PCDHB13: variants seen among roughly 807,000 people sequenced by gnomAD.
PCDHB13 encodes protocadherin beta 13.
For synonymous variants in PCDHB13, 515 were observed against 450.7 expected, an observed-to-expected ratio of 1.14 and a Z score of -1.81; for missense variants, 1,065 against 1,016.7, an observed-to-expected ratio of 1.05 and a Z score of -0.65.
chr5:141,216,839 G>T lies in PCDHB13; in HGVS notation c.*319G>T. On this transcript the variant is annotated 3_prime_UTR_variant, in exon 1 of 1. Transcript: ENST00000341948. ...ATTATGCTTATGGTAAAATTAAATA[G>T]AGCAATTTGGAAGTGATTCCAATTT... 2.7e-6 allele frequency: 1 copy of T among 367,146 alleles called. No individual in the cohort carries two copies. Among genetic ancestry groups the T allele is most frequent in the Non-Finnish European group, 5.2e-6 (1 of 191,580 alleles). 22.7% of individuals were successfully genotyped at this position (367,146 alleles called of 1,614,324 possible). A position where few individuals can be genotyped will look rare whatever the true frequency, so the allele number is the denominator to read the frequency against.
At position 141,216,190 on chromosome 5, in the gene PCDHB13, C is replaced by G. The variant is rs1554288129; in HGVS notation, c.2067C>G (p.Tyr689Ter). 4 of 1,612,466 alleles carry G rather than the reference C, an allele frequency of 2.5e-6. No individual in the cohort carries two copies. The African/African-American group carries it at 5.3e-5, about 22-fold the overall frequency. Residue 689 changes from tyrosine (Y) to a stop codon, truncating the protein, a stop_gained, in exon 1 of 1, where the codon TAC becomes TAG. Coordinates refer to ENST00000341948, the MANE Select transcript of PCDHB13 (RefSeq NM_018933.4). LOFTEE classifies it low-confidence loss of function (END_TRUNC). ...CCCAGGCCGACTTGCTCACCGTCTACCTGGTGGTGGCGTTGGCCTCGGTGT... is the reference window on the plus strand; with the variant it reads ...CCCAGGCCGACTTGCTCACCGTCTAGCTGGTGGTGGCGTTGGCCTCGGTGT... ...TQAQADLLTV[Y>*]LVVALASVSS...
At position 141,214,723 on chromosome 5, in the gene PCDHB13, G is replaced by A. The variant is rs1554287694; in HGVS notation, c.600G>A (p.Ala200=). The A allele has an allele frequency of 1.9e-6, 3 of 1,613,990 alleles. No individual in the cohort carries two copies. Among genetic ancestry groups the A allele is most frequent in the Admixed American group, 1.7e-5 (1 of 60,002 alleles). ...RKYPELVLDK[A]LDREEEAELR... ...ACCCAGAGCTGGTGCTGGACAAAGC[G>A]CTGGACCGAGAGGAAGAAGCTGAGC... The change falls in exon 1 of 1, where the codon GCG becomes GCA. Residue 200 remains alanine (A), a synonymous_variant. Transcript: ENST00000341948.
chr5:141,216,052 G>T lies in PCDHB13; in HGVS notation c.1929G>T (p.Leu643=), dbSNP rs577104575. 1,007 of 1,606,508 alleles carry T rather than the reference G, an allele frequency of 6.3e-4. 10 individuals carry two copies. Among genetic ancestry groups the T allele is most frequent in the Middle Eastern group, 2.2e-4 (1 of 4,446 alleles). The change falls in exon 1 of 1, where the codon CTG becomes CTT. Residue 643 remains leucine (L), a synonymous_variant. Transcript: ENST00000341948. ...RDAAKHRLVV[L]VKDNGEPPRS... Reference sequence around the variant, plus strand: ...CGGCCAAGCACAGGCTGGTGGTGCTGGTCAAGGACAATGGCGAGCCTCCGC... The same window carrying T: ...CGGCCAAGCACAGGCTGGTGGTGCTTGTCAAGGACAATGGCGAGCCTCCGC...
In PCDHB13 at chr5:141,214,777, T is replaced by G. The variant is rs782405811; in HGVS notation, c.654T>G (p.Gly218=). The G allele has an allele frequency of 1.2e-6, 2 of 1,614,162 alleles. No homozygotes were observed. Among genetic ancestry groups the G allele is most frequent in the Admixed American group, 3.3e-5 (2 of 60,022 alleles). The change falls in exon 1 of 1, where the codon GGT becomes GGG. Residue 218 remains glycine, a synonymous_variant. Coordinates refer to ENST00000341948, the MANE Select transcript of PCDHB13 (RefSeq NM_018933.4). ...GGTTAACACTCACAGCACTGGATGGTGGCTCTCCGCCCAGATCTGGCACTG... is the reference window on the plus strand; with the variant it reads ...GGTTAACACTCACAGCACTGGATGGGGGCTCTCCGCCCAGATCTGGCACTG... ...ELRLTLTALD[G]GSPPRSGTAQ...
chr5:141,215,470 C>T lies in PCDHB13; in HGVS notation c.1347C>T (p.Pro449=), dbSNP rs782142681. 4.3e-6 allele frequency: 7 copies of T among 1,614,182 alleles called. No individual in the cohort carries two copies. Among genetic ancestry groups the T allele is most frequent in the Middle Eastern group, 1.7e-4 (1 of 6,060 alleles). ...VLIADVNDNA[P]AFTQTSYTLF... is the part of the protein sequence containing the mutation. ...TCGCCGATGTCAATGACAACGCTCC[C>T]GCCTTCACCCAAACCTCCTACACCC... Residue 449 remains proline (P), a synonymous_variant, in exon 1 of 1, where the codon CCC becomes CCT. Transcript: ENST00000341948.
At position 141,216,267 on chromosome 5, in the gene PCDHB13, G is replaced by T. The variant is rs1554288158; in HGVS notation, c.2144G>T (p.Arg715Met). ...CTGTTCGTGGCGGTGCGGCTGTGTA[G>T]GAGGAGCAGGGCGGCCTCGGTGGGT... ...VLLFVAVRLC[R>M]RSRAASVGRC... The change falls in exon 1 of 1, where the codon AGG becomes ATG. Residue 715 changes from arginine to methionine, a missense_variant. Physicochemically the swap from Arg to Met is moderately conservative, Grantham distance 91. Coordinates refer to ENST00000341948, the MANE Select transcript of PCDHB13 (RefSeq NM_018933.4). 3.1e-6 allele frequency: 5 copies of T among 1,613,788 alleles called. No individual in the cohort carries two copies. The highest frequency in any genetic ancestry group is 4.2e-6 in the Non-Finnish European group (5 of 1,179,984).
chr5:141,216,406 C>T lies in PCDHB13; in HGVS notation c.2283C>T (p.Thr761=), dbSNP rs782166496. 5 of 1,614,016 alleles carry T rather than the reference C, an allele frequency of 3.1e-6. No individual in the cohort carries two copies. The Admixed American group carries it at 5.0e-5, about 16-fold the overall frequency. The change falls in exon 1 of 1, where the codon ACC becomes ACT. Residue 761 remains threonine (T), a synonymous_variant. Coordinates refer to ENST00000341948, the MANE Select transcript of PCDHB13 (RefSeq NM_018933.4). ...TGTGTCTGGCAGGAGGCTCAGGGACCAATGAGTTCAAGTTCCTGAAGCCGA... is the reference window on the plus strand; with the variant it reads ...TGTGTCTGGCAGGAGGCTCAGGGACTAATGAGTTCAAGTTCCTGAAGCCGA... ...YEVCLAGGSG[T]NEFKFLKPII... is the part of the protein sequence containing the mutation.
Position 141,213,950 on chromosome 5 carries a change from A to C in PCDHB13, c.-174A>C. The C allele has an allele frequency of 1.6e-6, 1 of 607,252 alleles. No homozygotes were observed. Among genetic ancestry groups the C allele is most frequent in the Non-Finnish European group, 3.0e-6 (1 of 331,786 alleles). 37.6% of individuals were successfully genotyped at this position (607,252 alleles called of 1,614,324 possible). A position where few individuals can be genotyped will look rare whatever the true frequency, so the allele number is the denominator to read the frequency against. On this transcript the variant is annotated 5_prime_UTR_variant, in exon 1 of 1. Transcript: ENST00000341948. ...CCATTAACCGGCAAAAAGCAGCAGA[A>C]CCTGGAAGTCCACGGGGAGCTTGGA...
rs1554287910 is a variant in PCDHB13, at chr5:141,215,448, C to T, written c.1325C>T (p.Ala442Val). ...CAGCTCAATATGACCGTGCTGATCG[C>T]CGATGTCAATGACAACGCTCCCGCC... ...ITQLNMTVLI[A>V]DVNDNAPAFT... is the part of the protein sequence containing the mutation. Residue 442 changes from alanine to valine, a missense_variant, in exon 1 of 1, where the codon GCC (alanine) becomes GTC (valine). By Grantham distance (64) the Ala-to-Val change is moderately conservative. Transcript: ENST00000341948. The T allele has an allele frequency of 1.2e-6, 2 of 1,614,158 alleles. No individual in the cohort carries two copies. The highest frequency in any genetic ancestry group is 1.7e-6 in the Non-Finnish European group (2 of 1,180,026).
At position 141,215,990 on chromosome 5, in the gene PCDHB13, G is replaced by C. The variant is rs782239673; in HGVS notation, c.1867G>C (p.Glu623Gln). 2 of 1,607,032 alleles carry C rather than the reference G, an allele frequency of 1.2e-6. No individual in the cohort carries two copies. The highest frequency in any genetic ancestry group is 1.7e-6 in the Non-Finnish European group (2 of 1,179,546). The change falls in exon 1 of 1, where the codon GAG becomes CAG. Residue 623 changes from glutamate to glutamine, a missense_variant. Coordinates refer to ENST00000341948, the MANE Select transcript of PCDHB13 (RefSeq NM_018933.4). ...GTTCGGCGTGTGGGCGCACAATGGC[G>C]AGGTGCGCACCGCCAGGCTGCTGAG... Reference protein sequence around the residue: ...GLFGVWAHNGEVRTARLLSER... With the variant: ...GLFGVWAHNGQVRTARLLSER...
rs1397702641 is a variant in PCDHB13 at position 141,217,367 on chromosome 5, T to C, written c.*847T>C. 5 of 167,068 alleles carry C rather than the reference T, an allele frequency of 3.0e-5. No individual in the cohort carries two copies. Among genetic ancestry groups the C allele is most frequent in the African/African-American group, 1.2e-4 (5 of 41,408 alleles). 10.3% of individuals were successfully genotyped at this position (167,068 alleles called of 1,614,324 possible). A position where few individuals can be genotyped will look rare whatever the true frequency, so the allele number is the denominator to read the frequency against. On this transcript the variant is annotated 3_prime_UTR_variant, in exon 1 of 1. Coordinates refer to ENST00000341948, the MANE Select transcript of PCDHB13 (RefSeq NM_018933.4). The stretch of plus-strand genomic sequence containing the variant: ...ACTGCAACCAATAGTTAAGATTATA[T>C]TTTACATATTTTGAAACACACAAGC...
rs903534943 is a variant in PCDHB13, at chr5:141,216,760, A to C, written c.*240A>C. On this transcript the variant is annotated 3_prime_UTR_variant, in exon 1 of 1. Coordinates refer to ENST00000341948, the MANE Select transcript of PCDHB13 (RefSeq NM_018933.4). ...TAATTAATTTGCCTCCCTAAAGAGC[A>C]ATACCAAATCACATTTTTTTCATGC... 1.7e-6 allele frequency: 1 copy of C among 581,752 alleles called. No individual in the cohort carries two copies. Among genetic ancestry groups the C allele is most frequent in the Non-Finnish European group, 3.2e-6 (1 of 317,054 alleles). The allele number at this position is 581,752 out of a possible 1,614,324, so 36.0% of individuals were successfully genotyped here.
chr5:141,215,441 C>G lies in PCDHB13; in HGVS notation c.1318C>G (p.Leu440Val). 6.2e-7 allele frequency: 1 copy of G among 1,614,170 alleles called. No individual in the cohort carries two copies. Among genetic ancestry groups the G allele is most frequent in the Non-Finnish European group, 8.5e-7 (1 of 1,180,038 alleles). ...MLITQLNMTV[L>V]IADVNDNAPA... ...GATAACACAGCTCAATATGACCGTGCTGATCGCCGATGTCAATGACAACGC... is the reference window on the plus strand; with the variant it reads ...GATAACACAGCTCAATATGACCGTGGTGATCGCCGATGTCAATGACAACGC... Residue 440 changes from leucine (L) to valine (V), a missense_variant, in exon 1 of 1, where the codon CTG (leucine) becomes GTG (valine). Leu to Val is a conservative substitution (Grantham distance 32). Transcript: ENST00000341948.
rs1309536905 is a variant in PCDHB13, at chr5:141,217,133, CCAAT to C, written c.*616_*619del. ...TTGTGCAGGCACATTAATATTGTGA[CCAAT>C]CACAGAATCTGGGAATATGAAGCTA... is the stretch of plus-strand genomic sequence containing the variant. On this transcript the variant is annotated 3_prime_UTR_variant, in exon 1 of 1. Coordinates refer to ENST00000341948, the MANE Select transcript of PCDHB13 (RefSeq NM_018933.4). 9.0e-5 allele frequency: 15 copies of C among 167,440 alleles called. No homozygotes were observed. The highest frequency in any genetic ancestry group is 1.5e-5 in the Non-Finnish European group (1 of 68,348). 10.4% of individuals were successfully genotyped at this position (167,440 alleles called of 1,614,324 possible). A position where few individuals can be genotyped will look rare whatever the true frequency, so the allele number is the denominator to read the frequency against.
rs782546268 is a variant in PCDHB13 at position 141,215,732 on chromosome 5, G to C, written c.1609G>C (p.Gly537Arg). The C allele has an allele frequency of 1.2e-6, 2 of 1,612,150 alleles. No individual in the cohort carries two copies. Among genetic ancestry groups the C allele is most frequent in the Admixed American group, 1.7e-5 (1 of 60,014 alleles). ...GTTCCGCGTGGGCGCTTCAGACCAC[G>C]GCTCCCCGGCGCTGAGCAGCGAGGC... ...FQFRVGASDH[G>R]SPALSSEALV... The change falls in exon 1 of 1, where the codon GGC (glycine) becomes CGC (arginine). Residue 537 changes from glycine to arginine, a missense_variant. Transcript: ENST00000341948.
Position 141,215,700 on chromosome 5 carries a change from G to T in PCDHB13, c.1577G>T (p.Gly526Val), listed in dbSNP as rs1754583345. Residue 526 changes from glycine to valine, a missense_variant, in exon 1 of 1, where the codon GGG (glycine) becomes GTG (valine). Transcript: ENST00000341948. ...LRSLDYEALQ[G>V]FQFRVGASDH... is the part of the protein sequence containing the mutation. ...TCTCTGGACTACGAGGCCCTGCAGG[G>T]GTTCCAGTTCCGCGTGGGCGCTTCA... The T allele has an allele frequency of 6.2e-7, 1 of 1,612,762 alleles. No homozygotes were observed. Among genetic ancestry groups the T allele is most frequent in the Admixed American group, 1.7e-5 (1 of 60,008 alleles).
In PCDHB13 at chr5:141,216,210, C is replaced by G. The variant is rs781786880; in HGVS notation, c.2087C>G (p.Ser696Trp). ...GTCTACCTGGTGGTGGCGTTGGCCT[C>G]GGTGTCTTCGCTCTTCCTCTTTTCG... ...LTVYLVVALA[S>W]VSSLFLFSVL... The change falls in exon 1 of 1, where the codon TCG (serine) becomes TGG (tryptophan). Residue 696 changes from serine (S) to tryptophan (W), a missense_variant. Coordinates refer to ENST00000341948, the MANE Select transcript of PCDHB13 (RefSeq NM_018933.4). The G allele has an allele frequency of 6.2e-6, 10 of 1,612,546 alleles. No individual in the cohort carries two copies. The highest frequency in any genetic ancestry group is 8.5e-6 in the Non-Finnish European group (10 of 1,179,876).
rs1754535758 is a variant in PCDHB13, at chr5:141,214,560, G to A, written c.437G>A (p.Ser146Asn). The A allele has an allele frequency of 6.2e-7, 1 of 1,614,160 alleles. No individual in the cohort carries two copies. Among genetic ancestry groups the A allele is most frequent in the Non-Finnish European group, 8.5e-7 (1 of 1,180,042 alleles). Residue 146 changes from serine (S) to asparagine (N), a missense_variant, in exon 1 of 1, where the codon AGC becomes AAC. Ser to Asn is a conservative substitution (Grantham distance 46). Transcript: ENST00000341948. ...DKQMLVKVSE[S>N]SPPGTTFPLK... ...CAAATGTTGGTGAAAGTATCAGAGAGCAGTCCTCCTGGGACTACGTTTCCT... is the reference window on the plus strand; with the variant it reads ...CAAATGTTGGTGAAAGTATCAGAGAACAGTCCTCCTGGGACTACGTTTCCT...
In PCDHB13 at chr5:141,214,082, C is replaced by T; in HGVS notation, c.-42C>T. 1 of 1,613,886 alleles carries T rather than the reference C, an allele frequency of 6.2e-7. No homozygotes were observed. The highest frequency in any genetic ancestry group is 8.5e-7 in the Non-Finnish European group (1 of 1,179,908). On this transcript the variant is annotated 5_prime_UTR_variant, in exon 1 of 1. Transcript: ENST00000341948. ...CTCAGATACTGGGGACTTTACAGTC[C>T]CACAGAACCGTCCTCCCAGGAAGCT...
Sources: allele counts gnomAD v4.1 joint callset, GRCh38; gene constraint gnomAD v4.1.1; transcripts MANE v1.5; gene names NCBI Gene and HGNC (gene_info 2026-07-23, HGNC 2026-07-21).